The following ATXN2 variants were observed in gnomAD, a reference collection of about 807,000 sequenced individuals.
ATXN2 encodes the protein ataxin 2.
In ATXN2, 37 loss-of-function variants were observed where a neutral mutation model predicts 138.6. That is an observed-to-expected ratio of 0.27 (90% CI 0.21 to 0.35). The LOEUF (loss-of-function observed/expected upper bound fraction) is 0.35, where lower values mean the gene tolerates loss of function less well. Among genes scored for constraint, ATXN2 ranks in the 10% least tolerant of loss-of-function variants. ATXN2 has a pLI of 1.00. For synonymous variants in ATXN2, 549 were observed against 543.7 expected (o/e 1.01, Z -0.13); for missense variants, 1,216 against 1,480.3 (o/e 0.82, Z 2.93).
Position 111,516,880 on chromosome 12 carries a change from C to G in ATXN2, c.1166-517G>C, listed in dbSNP as rs1879888381. On this transcript the variant is annotated intron_variant, in intron 9 of 24. Coordinates refer to ENST00000673436, the MANE Select transcript of ATXN2 (RefSeq NM_001372574.1). The surrounding 1 kb of genome is among the most constrained non-coding windows in gnomAD (Gnocchi z 5.0). Reference sequence around the variant, plus strand: ...ATTTTCATCAGGTTTACACTTGAACCCAGAACTCAGTTTGGAATCTTATTA... The same window carrying G: ...ATTTTCATCAGGTTTACACTTGAACGCAGAACTCAGTTTGGAATCTTATTA... Among the ~76,000 whole-genome samples, 1 of 152,006 alleles carries G rather than the reference C, an allele frequency of 6.6e-6. No individual in the cohort carries two copies. The highest frequency in any genetic ancestry group is 1.5e-5 in the Non-Finnish European group (1 of 67,994).
chr12:111,528,561 A>G (rs1246822268), intron 5 of ATXN2, among the ~76,000 whole-genome samples: 2 of 152,176 alleles, frequency 1.3e-5, no homozygotes, highest in Admixed American at 6.5e-5. Flanking sequence ...TCTGTTTACA[A>G]TACCAAACTT....
intron 14 of ATXN2, among the ~76,000 whole-genome samples, chr12:111,500,702 G>A (rs868414739): frequency 1.3e-4 from 20 of 152,082 alleles, no homozygotes; most frequent in African/African-American, 3.9e-4. Flanking sequence ...GTGAAACCCC[G>A]TCTCTACTAA....
chr12:111,481,046 G>A (rs1030648763), intron 18 of ATXN2, among the ~76,000 whole-genome samples: 2 of 152,134 alleles, frequency 1.3e-5, no homozygotes, highest in Non-Finnish European at 2.9e-5. Flanking sequence ...ATGGTGGTTC[G>A]CGTCTAAAAT....
chr12:111,572,811 C>T (rs1180306867), intron 1 of ATXN2, among the ~76,000 whole-genome samples: 1 of 152,166 alleles, frequency 6.6e-6, no homozygotes, highest in Non-Finnish European at 1.5e-5. Context: ...CCAACATGGA[C>T]TGAGACAGGG....
chr12:111,517,721 T>G (rs1379550691), intron 9 of ATXN2, among the ~76,000 whole-genome samples: 2 of 152,192 alleles, frequency 1.3e-5, no homozygotes, highest in Non-Finnish European at 2.9e-5. Context: ...TTTTGTTGTT[T>G]TTTAAGCAAA....
chr12:111,497,626 T>A (rs904810565), intron 14 of ATXN2, among the ~76,000 whole-genome samples: 14 of 150,770 alleles, frequency 9.3e-5, no homozygotes, highest in East Asian at 1.9e-4. Flanking sequence ...GACTAAAAAA[T>A]ATATATATAT....
At chr12:111,513,988 GA>G (rs201245920) in intron 10 of ATXN2, among the ~76,000 whole-genome samples, 24 of 149,138 alleles carry the variant, frequency 1.6e-4, no homozygotes, top group African/African-American at 1.2e-4. Context: ...TCTAAAATTA[GA>G]AAAAAAAAAT....
At position 111,452,659 on chromosome 12, in the gene ATXN2, G is replaced by C. The variant is rs1461544227; in HGVS notation, c.*153C>G. 1 of 889,588 alleles carries C rather than the reference G, an allele frequency of 1.1e-6. No homozygotes were observed. The highest frequency in any genetic ancestry group is 1.7e-5 in the African/African-American group (1 of 59,404). 55.1% of individuals were successfully genotyped at this position (889,588 alleles called of 1,614,324 possible). On this transcript the variant is annotated 3_prime_UTR_variant, in exon 25 of 25. Coordinates refer to ENST00000673436, the MANE Select transcript of ATXN2 (RefSeq NM_001372574.1). ...TCGGTCCAAGTATCTTCCACTGCAA[G>C]TGAACTGTTAGCATTCCTATTGGAT...
intron 21 of ATXN2, among the ~76,000 whole-genome samples, chr12:111,464,439 A>G (rs1462484729): frequency 6.8e-6 from 1 of 146,608 alleles, no homozygotes; most frequent in African/African-American, 2.8e-5. Context: ...TTTGCTTGGT[A>G]TGCAAAAATT....
chr12:111,457,851 C>T (rs1158808429), intron 21 of ATXN2: 1 of 152,574 alleles, frequency 6.6e-6, no homozygotes, highest in African/African-American at 2.4e-5. Context: ...TCATCAGGGC[C>T]GAAGGACCAC....
intron 1 of ATXN2, among the ~76,000 whole-genome samples, chr12:111,579,229 C>T (rs909893402): frequency 6.6e-6 from 1 of 152,178 alleles, no homozygotes; most frequent in African/African-American, 2.4e-5. Context: ...CATATGTTCA[C>T]ACAAAACCTG....
chr12:111,539,846 A>C (rs1327524309), intron 5 of ATXN2, among the ~76,000 whole-genome samples: 1 of 150,572 alleles, frequency 6.6e-6, no homozygotes, highest in Non-Finnish European at 1.5e-5. Context: ...TCAAGAATCA[A>C]AAAACAGAAT....
At chr12:111,545,937 C>T (rs963245776) in intron 5 of ATXN2, among the ~76,000 whole-genome samples, 15 of 150,304 alleles carry the variant, frequency 1.0e-4, no homozygotes, top group Admixed American at 6.0e-4. Context: ...TGCACTCCAG[C>T]CTGGGCAACA....
At chr12:111,528,596 T>G (rs1880634017) in intron 5 of ATXN2, among the ~76,000 whole-genome samples, 1 of 152,122 alleles carries the variant, frequency 6.6e-6, no homozygotes, top group South Asian at 2.1e-4. Flanking sequence ...TATTCACAGG[T>G]TATGTAGCAG....
At chr12:111,532,119 G>A (rs1033590603) in intron 5 of ATXN2, among the ~76,000 whole-genome samples, 1 of 152,220 alleles carries the variant, frequency 6.6e-6, no homozygotes, top group African/African-American at 2.4e-5. Flanking sequence ...AGGAGGCTGA[G>A]GTGGGAGGAC....
intron 23 of ATXN2, 130 bp downstream of exon 23, chr12:111,455,899 G>T: frequency 1.1e-6 from 1 of 893,662 alleles, no homozygotes; most frequent in Non-Finnish European, 1.9e-6. Flanking sequence ...ACGTGTATTT[G>T]AGAGGGAAAG....
intron 20 of ATXN2, among the ~76,000 whole-genome samples, chr12:111,465,529 T>C (rs1038848339): frequency 6.6e-6 from 1 of 151,748 alleles, no homozygotes; most frequent in Non-Finnish European, 1.5e-5. Flanking sequence ...CCCAGCACTT[T>C]GGGAGGCCTA....
intron 9 of ATXN2, among the ~76,000 whole-genome samples, chr12:111,517,140 T>C (rs1340188922): frequency 5.9e-5 from 9 of 152,272 alleles, no homozygotes; most frequent in Non-Finnish European, 1.2e-4. Context: ...CTGATGGATA[T>C]GCCTAGGTAA....
At chr12:111,587,779 G>A (rs1160244842) in intron 1 of ATXN2, among the ~76,000 whole-genome samples, 2 of 152,040 alleles carry the variant, frequency 1.3e-5, no homozygotes, top group African/African-American at 2.4e-5. Context: ...AATAAACCAC[G>A]TTCACTTATA....
Sources: allele counts gnomAD v4.1 joint callset (sites outside exome capture counted in the v4.1 genomes callset), GRCh38; gene constraint gnomAD v4.1.1; non-coding constraint Gnocchi (gnomAD v3.1); transcripts MANE v1.5; gene names NCBI Gene and HGNC (gene_info 2026-07-23, HGNC 2026-07-21).